The following MAST4 variants were observed in gnomAD, a reference collection of about 807,000 sequenced individuals.
MAST4 encodes the protein microtubule associated serine/threonine kinase family member 4.
MAST4 carries 89 observed loss-of-function variants against 162.7 expected under a neutral mutation model. That is an observed-to-expected ratio of 0.55 (90% CI 0.46 to 0.65). MAST4 has a LOEUF of 0.65. Among genes scored for constraint, MAST4 ranks in the 30% least tolerant of loss-of-function variants. MAST4 has a pLI of 0.00. For missense variants in MAST4, 3,153 were observed against 3,374.0 expected (o/e 0.93, Z 1.62); for synonymous variants, 1,479 against 1,361.1 (o/e 1.09, Z -1.91).
At chr5:66,810,734 C>T (rs990892953) in intron 3 of MAST4, among the ~76,000 whole-genome samples, 2 of 152,162 alleles carry the variant, frequency 1.3e-5, no homozygotes, top group Non-Finnish European at 2.9e-5. Flanking sequence ...GGGCTGCTAC[C>T]CACTCCTCTC....
At chr5:67,161,055 T>C (rs1203570047) in intron 27 of MAST4, among the ~76,000 whole-genome samples, 1 of 152,236 alleles carries the variant, frequency 6.6e-6, no homozygotes, top group Non-Finnish European at 1.5e-5. Context: ...GGGCTTTGTT[T>C]TACTCACTGA....
At chr5:67,130,535 G>A in intron 15 of MAST4, 117 bp downstream of exon 15, 3 of 984,134 alleles carry the variant, frequency 3.0e-6, no homozygotes, top group African/African-American at 3.2e-5. Flanking sequence ...ACTGAAGCCA[G>A]GCAATGAAAT....
intron 3 of MAST4, among the ~76,000 whole-genome samples, chr5:66,855,193 C>T (rs566794980): frequency 6.6e-6 from 1 of 152,204 alleles, no homozygotes; most frequent in South Asian, 2.1e-4. Context: ...GAGCCATCCC[C>T]TTGGTGATGA....
chr5:67,072,955 T>A (rs1288624273), intron 5 of MAST4, among the ~76,000 whole-genome samples: 1 of 152,230 alleles, frequency 6.6e-6, no homozygotes, highest in Non-Finnish European at 1.5e-5. Context: ...AAAGGCTAAA[T>A]ATTGTTATTT....
At chr5:66,687,801 A>G (rs1260970338) in intron 1 of MAST4, among the ~76,000 whole-genome samples, 2 of 152,114 alleles carry the variant, frequency 1.3e-5, no homozygotes, top group Non-Finnish European at 2.9e-5. Context: ...TGATAAAACA[A>G]TTCCTTTTCT....
chr5:66,660,601 A>C (rs1169767767), intron 1 of MAST4, among the ~76,000 whole-genome samples: 1 of 152,204 alleles, frequency 6.6e-6, no homozygotes, highest in Non-Finnish European at 1.5e-5. Context: ...CAGTATCTTG[A>C]AATTTGTGGT....
chr5:67,035,792 G>A (rs1329797394), intron 4 of MAST4, among the ~76,000 whole-genome samples: 1 of 152,132 alleles, frequency 6.6e-6, no homozygotes, highest in Non-Finnish European at 1.5e-5. Flanking sequence ...CAGTGGAAAG[G>A]AGTAACAGGT....
intron 4 of MAST4, among the ~76,000 whole-genome samples, chr5:66,990,530 C>G (rs544205665): frequency 3.9e-5 from 6 of 152,162 alleles, no homozygotes; most frequent in African/African-American, 1.4e-4. Context: ...TGCCAGCTAC[C>G]AAAGAGGGTG....
chr5:66,987,700 G>A (rs1398027805), intron 4 of MAST4, among the ~76,000 whole-genome samples: 1 of 152,110 alleles, frequency 6.6e-6, no homozygotes, highest in Non-Finnish European at 1.5e-5. Context: ...TACAGATCAT[G>A]TCAAATATTT....
At chr5:66,667,646 C>T (rs918490025) in intron 1 of MAST4, among the ~76,000 whole-genome samples, 3 of 152,170 alleles carry the variant, frequency 2.0e-5, no homozygotes, top group African/African-American at 7.2e-5. Context: ...GTTCCTACTC[C>T]ACCACTTATG....
At chr5:67,125,952 G>T (rs1474715243) in intron 14 of MAST4, among the ~76,000 whole-genome samples, 1 of 152,120 alleles carries the variant, frequency 6.6e-6, no homozygotes, top group African/African-American at 2.4e-5. Flanking sequence ...ATTCTAACTG[G>T]CGAGAGATGG....
At position 66,713,854 on chromosome 5, in the gene MAST4, G is replaced by A. The variant is rs13155842; in HGVS notation, c.364-45855G>A. 3.9e-3 allele frequency among the ~76,000 whole-genome samples: 587 copies of A among 152,022 alleles called. 3 individuals carry two copies. Among genetic ancestry groups the A allele is most frequent in the African/African-American group, 0.013 (552 of 41,454 alleles). On this transcript the variant is annotated intron_variant, in intron 1 of 28. Transcript: ENST00000403625. ...AGAAATGAGGCCTGGACCAGATGGCGTCTTATTTTTTTCATGATGGTCTAG... is the reference window on the plus strand; with the variant it reads ...AGAAATGAGGCCTGGACCAGATGGCATCTTATTTTTTTCATGATGGTCTAG...
chr5:67,143,277 C>CAA (rs11284037), intron 21 of MAST4, among the ~76,000 whole-genome samples: 1 of 139,298 alleles, frequency 7.2e-6, no homozygotes. Context: ...AAAAAAAAGC[C>CAA]AAAAAAAAAA....
intron 1 of MAST4, among the ~76,000 whole-genome samples, chr5:66,641,804 A>G (rs188091060): frequency 7.2e-5 from 11 of 152,372 alleles, no homozygotes; most frequent in Non-Finnish European, 1.2e-4. Context: ...CACATTCAGT[A>G]TATTAAAATC....
rs368809820 is a variant in MAST4 at position 66,798,848 on chromosome 5, C to A, written c.642+10054C>A. On this transcript the variant is annotated intron_variant, in intron 3 of 28. Coordinates refer to ENST00000403625, the MANE Select transcript of MAST4 (RefSeq NM_001164664.2). The stretch of plus-strand genomic sequence containing the variant: ...ATATGGGTGCTTAGTTAGGTTTGTA[C>A]GGGTATTTCTTTCCTTGTTTGTATA... 1.1e-4 allele frequency among the ~76,000 whole-genome samples: 16 copies of A among 152,142 alleles called. No homozygotes were observed. In the East Asian group the frequency reaches 1.7e-3, roughly 17 times the overall value.
chr5:66,974,578 C>T (rs1050761870), intron 4 of MAST4, among the ~76,000 whole-genome samples: 3 of 152,202 alleles, frequency 2.0e-5, no homozygotes, highest in Non-Finnish European at 1.5e-5. Context: ...GCACTTGTCA[C>T]GGACAGTGGA....
chr5:66,654,576 A>C (rs1441166588), intron 1 of MAST4, among the ~76,000 whole-genome samples: 1 of 152,238 alleles, frequency 6.6e-6, no homozygotes, highest in African/African-American at 2.4e-5. Flanking sequence ...TAAAGATTTA[A>C]CTGTTGAAGT....
chr5:66,940,426 A>G (rs1171345651), intron 4 of MAST4, among the ~76,000 whole-genome samples: 1 of 152,158 alleles, frequency 6.6e-6, no homozygotes, highest in African/African-American at 2.4e-5. Flanking sequence ...GCCTTCTCAA[A>G]CCCTGCTATT....
At chr5:66,945,075 GT>G (rs1743862555) in intron 4 of MAST4, among the ~76,000 whole-genome samples, 1 of 152,074 alleles carries the variant, frequency 6.6e-6, no homozygotes, top group Non-Finnish European at 1.5e-5. Flanking sequence ...CATATCCTGG[GT>G]TTTAAAACTT....
Sources: allele counts gnomAD v4.1 joint callset (sites outside exome capture counted in the v4.1 genomes callset), GRCh38; gene constraint gnomAD v4.1.1; transcripts MANE v1.5; gene names NCBI Gene and HGNC (gene_info 2026-07-23, HGNC 2026-07-21).